Variants in MYCN observed in about 807,000 individuals in gnomAD.
MYCN encodes the protein N-myc proto-oncogene protein.
In MYCN, 3 loss-of-function variants were observed where a neutral mutation model predicts 28.1. That is an observed-to-expected ratio of 0.11 (90% confidence interval 0.05 to 0.28). The LOEUF (loss-of-function observed/expected upper bound fraction) is 0.28, where lower values mean the gene tolerates loss of function less well. Ranked by LOEUF, MYCN falls within the 10% of genes least tolerant of loss-of-function variation. MYCN has a pLI of 1.00. For missense variants in MYCN, 572 were observed against 651.4 expected (o/e 0.88, Z 1.33); for synonymous variants, 326 against 288.3 (o/e 1.13, Z -1.32).
In MYCN at chr2:15,946,653, CTG is replaced by C. The variant is rs995085881; in HGVS notation, c.*558_*559del. 48 of 258,366 alleles carry C rather than the reference CTG, an allele frequency of 1.9e-4. No homozygotes were observed. Among genetic ancestry groups the C allele is most frequent in the Non-Finnish European group, 5.3e-5 (7 of 131,610 alleles). The allele number at this position is 258,366 out of a possible 1,614,324, so 16.0% of individuals were successfully genotyped here. A position where few individuals can be genotyped will look rare whatever the true frequency, so the allele number is the denominator to read the frequency against. ...TTGTATACAAATATATTGTTAATCT[CTG>C]TTATGTACTGTACTAATTCTTACAC... is the stretch of plus-strand genomic sequence containing the variant. On this transcript the variant is annotated 3_prime_UTR_variant, in exon 3 of 3. Coordinates refer to ENST00000281043, the MANE Select transcript of MYCN (RefSeq NM_005378.6).
chr2:15,942,960 C>T lies in MYCN; in HGVS notation c.790+106C>T. The T allele has an allele frequency of 3.6e-6, 5 of 1,393,698 alleles. No homozygotes were observed. The South Asian group carries it at 4.0e-5, about 11-fold the overall frequency. 86.3% of individuals were successfully genotyped at this position (1,393,698 alleles called of 1,614,324 possible). ...CTTGGCCTGGGGAGCATTTTGGAGG[C>T]AGTGCTAGGGGCAGAGAGGTCCTGT... On this transcript the variant is annotated intron_variant, in intron 2 of 2. Transcript: ENST00000281043. This position sits in a 1 kb window ranked among gnomAD's most constrained non-coding sequence, Gnocchi z 7.0.
In MYCN at chr2:15,946,422, T is replaced by G; in HGVS notation, c.*325T>G. The G allele has an allele frequency of 2.3e-6, 1 of 442,514 alleles. No individual in the cohort carries two copies. The highest frequency in any genetic ancestry group is 2.4e-5 in the South Asian group (1 of 41,748). The allele number at this position is 442,514 out of a possible 1,614,324, so 27.4% of individuals were successfully genotyped here. Reference sequence around the variant, plus strand: ...CCAAACAACAGAAAGTCATTCCTTCTTTTTAAAATGGTGCTTAAGTTCCAG... The same window carrying G: ...CCAAACAACAGAAAGTCATTCCTTCGTTTTAAAATGGTGCTTAAGTTCCAG... On this transcript the variant is annotated 3_prime_UTR_variant, in exon 3 of 3. Coordinates refer to ENST00000281043, the MANE Select transcript of MYCN (RefSeq NM_005378.6).
At chr2:15,944,953 T>C (rs978842357) in intron 2 of MYCN, among the ~76,000 whole-genome samples, 1 of 142,330 alleles carries the variant, frequency 7.0e-6, no homozygotes, top group Non-Finnish European at 1.5e-5. Context: ...AAGAAAAATA[T>C]ATATACATAC....
At chr2:15,943,359 GT>G (rs1662766777) in intron 2 of MYCN, among the ~76,000 whole-genome samples, 1 of 151,458 alleles carries the variant, frequency 6.6e-6, no homozygotes, top group South Asian at 2.1e-4. Context: ...TTATAGGAGG[GT>G]TGCACAGATG....
At position 15,946,414 on chromosome 2, in the gene MYCN, A is replaced by G; in HGVS notation, c.*317A>G. On this transcript the variant is annotated 3_prime_UTR_variant, in exon 3 of 3. Transcript: ENST00000281043. ...CCAAGTTTCCAAACAACAGAAAGTC[A>G]TTCCTTCTTTTTAAAATGGTGCTTA... is the stretch of plus-strand genomic sequence containing the variant. 1 of 453,594 alleles carries G rather than the reference A, an allele frequency of 2.2e-6. No homozygotes were observed. Among genetic ancestry groups the G allele is most frequent in the South Asian group, 2.4e-5 (1 of 42,218 alleles). The allele number at this position is 453,594 out of a possible 1,614,324, so 28.1% of individuals were successfully genotyped here. A position where few individuals can be genotyped will look rare whatever the true frequency, so the allele number is the denominator to read the frequency against.
Position 15,940,563 on chromosome 2 carries a change from C to A in MYCN, c.-298C>A. 1 of 399,780 alleles carries A rather than the reference C, an allele frequency of 2.5e-6. No individual in the cohort carries two copies. Among genetic ancestry groups the A allele is most frequent in the South Asian group, 1.3e-4 (1 of 7,892 alleles). 24.8% of individuals were successfully genotyped at this position (399,780 alleles called of 1,614,324 possible). Reference sequence around the variant, plus strand: ...GCTTCAAAGCGCAGGCTGTGACAGTCATCTGTCTGGACGCGCTGGGTGGAT... The same window carrying A: ...GCTTCAAAGCGCAGGCTGTGACAGTAATCTGTCTGGACGCGCTGGGTGGAT... On this transcript the variant is annotated 5_prime_UTR_variant, in exon 1 of 3. Coordinates refer to ENST00000281043, the MANE Select transcript of MYCN (RefSeq NM_005378.6).
rs1219914055 is a variant in MYCN, at chr2:15,946,503, T to C, written c.*406T>C. Reference sequence around the variant, plus strand: ...TACCCCTGGGGAACATTTCTGTAAATACCATTGACACATCCGCCTTTTGTA... The same window carrying C: ...TACCCCTGGGGAACATTTCTGTAAACACCATTGACACATCCGCCTTTTGTA... On this transcript the variant is annotated 3_prime_UTR_variant, in exon 3 of 3. Coordinates refer to ENST00000281043, the MANE Select transcript of MYCN (RefSeq NM_005378.6). The C allele has an allele frequency of 2.7e-6, 1 of 376,880 alleles. No homozygotes were observed. Among genetic ancestry groups the C allele is most frequent in the Non-Finnish European group, 4.9e-6 (1 of 202,770 alleles). 23.3% of individuals were successfully genotyped at this position (376,880 alleles called of 1,614,324 possible).
chr2:15,945,518 TGAA>T lies in MYCN; in HGVS notation c.819_821del (p.Glu276del), dbSNP rs1662838773. On this transcript the variant is annotated inframe_deletion, in exon 3 of 3. Transcript: ENST00000281043. The surrounding 1 kb of genome is among the most constrained non-coding windows in gnomAD (Gnocchi z 4.8). ...ATGATGAAGATGATGAAGAGGAAGA[TGAA>T]GAGGAAGAAATCGACGTGGTCACTG... 4.3e-6 allele frequency: 7 copies of T among 1,612,552 alleles called. No individual in the cohort carries two copies. The highest frequency in any genetic ancestry group is 1.6e-4 in the Middle Eastern group (1 of 6,080).
In MYCN at chr2:15,942,959, G is replaced by A; in HGVS notation, c.790+105G>A. On this transcript the variant is annotated intron_variant, in intron 2 of 2. Transcript: ENST00000281043. The surrounding 1 kb of genome is among the most constrained non-coding windows in gnomAD (Gnocchi z 7.0). ...TCTTGGCCTGGGGAGCATTTTGGAGGCAGTGCTAGGGGCAGAGAGGTCCTG... is the reference window on the plus strand; with the variant it reads ...TCTTGGCCTGGGGAGCATTTTGGAGACAGTGCTAGGGGCAGAGAGGTCCTG... The A allele has an allele frequency of 1.4e-6, 2 of 1,397,300 alleles. No homozygotes were observed. The highest frequency in any genetic ancestry group is 1.9e-6 in the Non-Finnish European group (2 of 1,044,136). 86.6% of individuals were successfully genotyped at this position (1,397,300 alleles called of 1,614,324 possible).
At position 15,940,725 on chromosome 2, in the gene MYCN, C is replaced by T. The variant is rs1402933479; in HGVS notation, c.-136C>T. On this transcript the variant is annotated 5_prime_UTR_variant, in exon 1 of 3. Coordinates refer to ENST00000281043, the MANE Select transcript of MYCN (RefSeq NM_005378.6). ...CACCCGCGCAGAATCGCCTCCGGATCCCCTGCAGTCGGCGGGAGGTAAGGA... is the reference window on the plus strand; with the variant it reads ...CACCCGCGCAGAATCGCCTCCGGATTCCCTGCAGTCGGCGGGAGGTAAGGA... 2.6e-5 allele frequency: 7 copies of T among 264,372 alleles called. No homozygotes were observed. The Admixed American group carries it at 3.9e-4, about 15-fold the overall frequency. 16.4% of individuals were successfully genotyped at this position (264,372 alleles called of 1,614,324 possible). A position where few individuals can be genotyped will look rare whatever the true frequency, so the allele number is the denominator to read the frequency against.
Position 15,946,052 on chromosome 2 carries a change from ACAG to A in MYCN, c.1357_1359del (p.Gln453del), listed in dbSNP as rs1276224076. ...TGGAAAAGGAAAAATTGCAGGCAAG[ACAG>A]CAGCAGTTGCTAAAGAAAATTGAAC... On this transcript the variant is annotated inframe_deletion, in exon 3 of 3. Coordinates refer to ENST00000281043, the MANE Select transcript of MYCN (RefSeq NM_005378.6). 1 of 1,614,134 alleles carries A rather than the reference ACAG, an allele frequency of 6.2e-7. No individual in the cohort carries two copies. The highest frequency in any genetic ancestry group is 8.5e-7 in the Non-Finnish European group (1 of 1,180,054).
At position 15,945,497 on chromosome 2, in the gene MYCN, TGAA is replaced by T. The variant is rs1192897052; in HGVS notation, c.798_800del (p.Glu266del). The T allele has an allele frequency of 3.1e-6, 5 of 1,605,856 alleles. No homozygotes were observed. In the Admixed American group the frequency reaches 6.8e-5, roughly 22 times the overall value. ...TAACTAGCATCTTTCTCTCAGATGA[TGAA>T]GATGATGAAGAGGAAGATGAAGAGG... On this transcript the variant is annotated inframe_deletion, in exon 3 of 3. Coordinates refer to ENST00000281043, the MANE Select transcript of MYCN (RefSeq NM_005378.6). This position sits in a 1 kb window ranked among gnomAD's most constrained non-coding sequence, Gnocchi z 4.8.
intron 2 of MYCN, among the ~76,000 whole-genome samples, chr2:15,944,655 C>A (rs1026971455): frequency 1.3e-5 from 2 of 152,154 alleles, no homozygotes; most frequent in Non-Finnish European, 2.9e-5. Flanking sequence ...TAAATAAGTC[C>A]ACAGGGCAGA....
chr2:15,943,255 G>C (rs532706006), intron 2 of MYCN, among the ~76,000 whole-genome samples: 1 of 152,266 alleles, frequency 6.6e-6, no homozygotes, highest in South Asian at 2.1e-4. Flanking sequence ...GTTAGCGCAG[G>C]GGTGAAAGGG....
chr2:15,945,887 C>T lies in MYCN; in HGVS notation c.1185C>T (p.Asn395=), dbSNP rs768274496. The T allele has an allele frequency of 7.4e-6, 12 of 1,614,010 alleles. No individual in the cohort carries two copies. Among genetic ancestry groups the T allele is most frequent in the Admixed American group, 1.7e-5 (1 of 60,010 alleles). ...NHNILERQRR[N]DLRSSFLTLR... The stretch of plus-strand genomic sequence containing the variant: ...ACATCCTGGAGCGCCAGCGCCGCAA[C>T]GACCTTCGGTCCAGCTTTCTCACGC... The change falls in exon 3 of 3, where the codon AAC becomes AAT. Residue 395 remains asparagine, a synonymous_variant. Transcript: ENST00000281043. The surrounding 1 kb of genome is among the most constrained non-coding windows in gnomAD (Gnocchi z 4.8).
In MYCN at chr2:15,943,102, C is replaced by T. The variant is rs184046450; in HGVS notation, c.790+248C>T. On this transcript the variant is annotated intron_variant, in intron 2 of 2. Coordinates refer to ENST00000281043, the MANE Select transcript of MYCN (RefSeq NM_005378.6). ...TCCTTCCACCCTCTCCTGGGGAGCC[C>T]TCCTCTAGGCCATCACGGGCCCTCA... Among the ~76,000 whole-genome samples, 32 of 152,342 alleles carry T rather than the reference C, an allele frequency of 2.1e-4. No homozygotes were observed. The East Asian group carries it at 5.0e-3, about 24-fold the overall frequency.
rs748156396 is a variant in MYCN, at chr2:15,942,074, T to G, written c.10T>G (p.Cys4Gly). 1 of 1,613,720 alleles carries G rather than the reference T, an allele frequency of 6.2e-7. No individual in the cohort carries two copies. Among genetic ancestry groups the G allele is most frequent in the Non-Finnish European group, 8.5e-7 (1 of 1,179,986 alleles). Residue 4 changes from cysteine to glycine, a missense_variant, in exon 2 of 3, where the codon TGC (cysteine) becomes GGC (glycine). By Grantham distance (159) the Cys-to-Gly change is radical. Coordinates refer to ENST00000281043, the MANE Select transcript of MYCN (RefSeq NM_005378.6). This position sits in a 1 kb window ranked among gnomAD's most constrained non-coding sequence, Gnocchi z 7.0. The part of the protein sequence containing the change: MPS[C>G]STSTMPGMIC... Reference sequence around the variant, plus strand: ...GCCGGGAGGCGAGCCGATGCCGAGCTGCTCCACGTCCACCATGCCGGGCAT... The same window carrying G: ...GCCGGGAGGCGAGCCGATGCCGAGCGGCTCCACGTCCACCATGCCGGGCAT...
rs754398747 is a variant in MYCN, at chr2:15,942,703, G to T, written c.639G>T (p.Pro213=). Reference sequence around the variant, plus strand: ...TGCCCGCAGCCCCGGCCAGTGCCCCGGCGGCGGGCCCTGCGGTCGCCTCGG... The same window carrying T: ...TGCCCGCAGCCCCGGCCAGTGCCCCTGCGGCGGGCCCTGCGGTCGCCTCGG... ...APVPAAPASA[P]AAGPAVASGA... Residue 213 remains proline, a synonymous_variant, in exon 2 of 3, where the codon CCG becomes CCT. Coordinates refer to ENST00000281043, the MANE Select transcript of MYCN (RefSeq NM_005378.6). This position sits in a 1 kb window ranked among gnomAD's most constrained non-coding sequence, Gnocchi z 7.0. 19 of 1,184,622 alleles carry T rather than the reference G, an allele frequency of 1.6e-5. No individual in the cohort carries two copies. In the South Asian group the frequency reaches 4.8e-4, roughly 30 times the overall value. The allele number at this position is 1,184,622 out of a possible 1,614,324, so 73.4% of individuals were successfully genotyped here.
In MYCN at chr2:15,942,006, C is replaced by G; in HGVS notation, c.-59C>G. 1 of 1,606,428 alleles carries G rather than the reference C, an allele frequency of 6.2e-7. No individual in the cohort carries two copies. The highest frequency in any genetic ancestry group is 8.5e-7 in the Non-Finnish European group (1 of 1,176,900). ...GCCCCCCACGGGAAGGAAGCACCCCCGGTATTAAAACGAACGGGGCGGAAA... is the reference window on the plus strand; with the variant it reads ...GCCCCCCACGGGAAGGAAGCACCCCGGGTATTAAAACGAACGGGGCGGAAA... On this transcript the variant is annotated 5_prime_UTR_variant, in exon 2 of 3. Transcript: ENST00000281043. This position sits in a 1 kb window ranked among gnomAD's most constrained non-coding sequence, Gnocchi z 7.0.
Sources: allele counts gnomAD v4.1 joint callset (sites outside exome capture counted in the v4.1 genomes callset), GRCh38; gene constraint gnomAD v4.1.1; non-coding constraint Gnocchi (gnomAD v3.1); transcripts MANE v1.5; gene names NCBI Gene and HGNC (gene_info 2026-07-23, HGNC 2026-07-21).